The following TRPM1 variants were observed in gnomAD, a reference collection of about 807,000 sequenced individuals.
TRPM1 encodes transient receptor potential cation channel subfamily M member 1.
A neutral mutation model predicts 149.4 loss-of-function variants in TRPM1; 113 were observed. The ratio of observed to expected loss-of-function variants is 0.76; its 90% CI spans 0.65 to 0.88. The LOEUF (loss-of-function observed/expected upper bound fraction) is 0.88. Among genes scored for constraint, TRPM1 ranks in the 40% least tolerant of loss-of-function variants. The pLI is 0.00. For synonymous variants in TRPM1, 741 were observed against 759.5 expected (o/e 0.98, Z 0.40); for missense variants, 1,976 against 2,038.7 (o/e 0.97, Z 0.59).
intron 1 of TRPM1, among the ~76,000 whole-genome samples, chr15:31,154,091 T>A (rs8040097): frequency 0.33 from 50,928 of 152,172 alleles, 8,864 homozygotes; most frequent in Admixed American, 0.47. Flanking sequence ...ATTTTAGCAG[T>A]TTGAAAGAAT....
chr15:31,077,044 C>A (rs753636969), intron 2 of TRPM1, 60 bp from the exon 3 acceptor site: 9 of 1,118,920 alleles, frequency 8.0e-6, no homozygotes, highest in Non-Finnish European at 1.1e-5. Context: ...CATCAGAGTC[C>A]ATTCTTATAC....
At chr15:31,057,918 T>C (rs11070767) in intron 11 of TRPM1, among the ~76,000 whole-genome samples, 96,554 of 152,042 alleles carry the variant, frequency 0.64, 31,191 homozygotes, top group East Asian at 0.94. Flanking sequence ...CTCTCTCTCA[T>C]GGGCTGCCGT....
chr15:31,128,514 CCTCGGGAG>C (rs2035979203), intron 1 of TRPM1, among the ~76,000 whole-genome samples: 1 of 152,216 alleles, frequency 6.6e-6, no homozygotes. Context: ...CACCCCCAAG[CCTCGGGAG>C]CTCTTTGCAT....
At chr15:31,088,832 C>T (rs531828942) in intron 1 of TRPM1, among the ~76,000 whole-genome samples, 10 of 150,776 alleles carry the variant, frequency 6.6e-5, no homozygotes, top group African/African-American at 1.7e-4. Flanking sequence ...GGCCTTTGTA[C>T]CGGGGCGATG....
intron 27 of TRPM1, 106 bp from the exon 28 acceptor site, chr15:31,003,176 G>A (rs2031858104): frequency 1.0e-6 from 1 of 991,460 alleles, no homozygotes; most frequent in South Asian, 1.7e-5. Context: ...TAATACATAT[G>A]GAACTGTTTG....
intron 27 of TRPM1, among the ~76,000 whole-genome samples, chr15:31,022,887 T>C (rs868824605): frequency 6.6e-6 from 1 of 152,210 alleles, no homozygotes; most frequent in South Asian, 2.1e-4. Flanking sequence ...CTGGGCGTGG[T>C]GGCACATACA....
chr15:31,153,746 C>G (rs2036332958), intron 1 of TRPM1, among the ~76,000 whole-genome samples: 1 of 152,210 alleles, frequency 6.6e-6, no homozygotes, highest in Non-Finnish European at 1.5e-5. Flanking sequence ...CCAGGCTGAG[C>G]CAACAACAGT....
Position 31,067,990 on chromosome 15 carries a change from C to A in TRPM1, c.382G>T (p.Gly128Cys). ...GGCTGCATCTCAAAGTTCTGGAGGC[C>A]TCCATGCACAGATATTAAGAGCTTG... The part of the protein sequence containing the change: ...LPKLLISVHG[G>C]LQNFEMQPKL... Residue 128 changes from glycine (G) to cysteine (C), a missense_variant, in exon 5 of 28, where the codon GGC (glycine) becomes TGC (cysteine). Coordinates refer to ENST00000256552, the MANE Select transcript of TRPM1 (RefSeq NM_001252024.2). 6.2e-7 allele frequency: 1 copy of A among 1,614,166 alleles called. No homozygotes were observed. Among genetic ancestry groups the A allele is most frequent in the Non-Finnish European group, 8.5e-7 (1 of 1,180,032 alleles).
At chr15:31,143,866 G>A (rs1394475648) in intron 1 of TRPM1, among the ~76,000 whole-genome samples, 1 of 151,862 alleles carries the variant, frequency 6.6e-6, no homozygotes, top group East Asian at 1.9e-4. Flanking sequence ...GAAGCTATTT[G>A]TGAGTATTCT....
intron 22 of TRPM1, among the ~76,000 whole-genome samples, chr15:31,032,244 C>A (rs2033119042): frequency 6.6e-6 from 1 of 151,954 alleles, no homozygotes; most frequent in Admixed American, 6.6e-5. Context: ...AGGCTATTTT[C>A]TTTTATATTG....
At chr15:31,159,939 G>A (rs923421671) in intron 1 of TRPM1, among the ~76,000 whole-genome samples, 10 of 152,236 alleles carry the variant, frequency 6.6e-5, no homozygotes, top group African/African-American at 2.4e-4. Context: ...CTCAGTAAGT[G>A]CCAGCTGGGG....
Position 31,028,397 on chromosome 15 carries a change from T to G in TRPM1, c.3228A>C (p.Ala1076=). 6.2e-7 allele frequency: 1 copy of G among 1,614,030 alleles called. No individual in the cohort carries two copies. Among genetic ancestry groups the G allele is most frequent in the South Asian group, 1.1e-5 (1 of 91,066 alleles). The change falls in exon 25 of 28, where the codon GCA becomes GCC. Residue 1076 remains alanine, a synonymous_variant. Coordinates refer to ENST00000256552, the MANE Select transcript of TRPM1 (RefSeq NM_001252024.2). The stretch of plus-strand genomic sequence containing the variant: ...CGACCAGTAGATAGCACGCCATGAG[T>G]GCTGGAGTGAGCCAGGCGCCGGGGA... ...PCIPGAWLTP[A]LMACYLLVAN...
chr15:31,081,291 A>T (rs2140983799), intron 2 of TRPM1, 62 bp downstream of exon 2: 1 of 777,032 alleles, frequency 1.3e-6, no homozygotes. Context: ...CTAGCATGTG[A>T]CTAACGTACT....
chr15:31,107,186 G>A (rs184194901), intron 1 of TRPM1, among the ~76,000 whole-genome samples: 6 of 152,286 alleles, frequency 3.9e-5, no homozygotes, highest in Non-Finnish European at 7.4e-5. Context: ...ATCTGGGCCT[G>A]TGGTTTTCTT....
intron 2 of TRPM1, among the ~76,000 whole-genome samples, chr15:31,077,228 A>AT (rs1323415185): frequency 6.6e-6 from 1 of 152,032 alleles, no homozygotes; most frequent in African/African-American, 2.4e-5. Flanking sequence ...TGTTGAAGAT[A>AT]TTTTTTGTGC....
At chr15:31,138,697 A>T (rs1351367641) in intron 1 of TRPM1, among the ~76,000 whole-genome samples, 1 of 152,094 alleles carries the variant, frequency 6.6e-6, no homozygotes, top group Non-Finnish European at 1.5e-5. Context: ...ATCTCTATTT[A>T]CAACTAAATA....
intron 1 of TRPM1, among the ~76,000 whole-genome samples, chr15:31,141,562 TAA>T (rs1185817782): frequency 6.6e-6 from 1 of 152,158 alleles, no homozygotes; most frequent in African/African-American, 2.4e-5. Context: ...TCTATAAATA[TAA>T]GTGTGTATTT....
intron 25 of TRPM1, 30 bp downstream of exon 25, chr15:31,028,302 A>G (rs766861271): frequency 6.8e-6 from 11 of 1,613,680 alleles, no homozygotes; most frequent in Non-Finnish European, 9.3e-6. Context: ...AATAAATAAT[A>G]AGCATGTGGT....
intron 1 of TRPM1, among the ~76,000 whole-genome samples, chr15:31,088,723 G>C (rs531902981): frequency 6.6e-6 from 1 of 151,760 alleles, no homozygotes; most frequent in Admixed American, 6.6e-5. Context: ...GAGATTGACT[G>C]AAGCGGCGGT....
Sources: gnomAD v4.1 joint callset for allele counts (sites outside exome capture counted in the v4.1 genomes callset) on GRCh38, gnomAD v4.1.1 for gene constraint, MANE v1.5 for transcripts, NCBI Gene and HGNC (gene_info 2026-07-23, HGNC 2026-07-21) for gene names.